The following UGCG variants were observed in gnomAD, a reference collection of about 807,000 sequenced individuals.
UGCG encodes UDP-glucose ceramide glucosyltransferase.
A neutral mutation model predicts 49.5 loss-of-function variants in UGCG; 10 were observed. That is an observed-to-expected ratio of 0.20 (90% CI 0.12 to 0.34). The LOEUF (loss-of-function observed/expected upper bound fraction) is 0.34. Among genes scored for constraint, UGCG ranks in the 10% least tolerant of loss-of-function variants. The pLI is 1.00. For synonymous variants in UGCG, 182 were observed against 158.2 expected, an observed-to-expected ratio of 1.15 and a Z score of -1.13; for missense variants, 312 against 483.7, an observed-to-expected ratio of 0.65 and a Z score of 3.33.
At chr9:111,901,077 A>C (rs1209933491) in intron 1 of UGCG, among the ~76,000 whole-genome samples, 1 of 152,096 alleles carries the variant, frequency 6.6e-6, no homozygotes, top group African/African-American at 2.4e-5. Context: ...TGGCCTCCTG[A>C]AGTTCTGGGA....
At chr9:111,898,986 T>G (rs12348354) in intron 1 of UGCG, among the ~76,000 whole-genome samples, 44,677 of 152,176 alleles carry the variant, frequency 0.29, 6,818 homozygotes, top group Admixed American at 0.39. Context: ...CCTGTTCACA[T>G]GGAACTGTCC....
At chr9:111,930,882 C>T (rs1044063273) in intron 6 of UGCG, among the ~76,000 whole-genome samples, 3 of 152,194 alleles carry the variant, frequency 2.0e-5, no homozygotes, top group Non-Finnish European at 4.4e-5. Flanking sequence ...TCATGTGGTT[C>T]ATGGTTTCCT....
chr9:111,899,915 T>C (rs1421596759), intron 1 of UGCG, among the ~76,000 whole-genome samples: 2 of 152,194 alleles, frequency 1.3e-5, no homozygotes, highest in Admixed American at 6.5e-5. Context: ...TTCTGCTTTA[T>C]ACTTGGGTAT....
intron 2 of UGCG, among the ~76,000 whole-genome samples, chr9:111,922,192 T>C (rs951137408): frequency 6.6e-6 from 1 of 152,264 alleles, no homozygotes; most frequent in East Asian, 1.9e-4. Context: ...AACATAGCAC[T>C]GGGCAAAATA....
chr9:111,913,526 G>A (rs1236531236), intron 1 of UGCG, among the ~76,000 whole-genome samples: 5 of 151,906 alleles, frequency 3.3e-5, no homozygotes, highest in Non-Finnish European at 5.9e-5. Flanking sequence ...CTCCACCCCC[G>A]GGTTCAAGTG....
chr9:111,898,516 T>A (rs896091195), intron 1 of UGCG, among the ~76,000 whole-genome samples: 3 of 152,184 alleles, frequency 2.0e-5, no homozygotes, highest in African/African-American at 7.2e-5. Context: ...CAGGTTATAC[T>A]GATATTTCTT....
chr9:111,926,977 A>T (rs1352605424), intron 5 of UGCG, among the ~76,000 whole-genome samples: 2 of 140,038 alleles, frequency 1.4e-5, no homozygotes, highest in African/African-American at 5.3e-5. Context: ...GGTTCAAACG[A>T]TTCTTCTGCC....
At chr9:111,914,409 T>A (rs1838073985) in intron 1 of UGCG, among the ~76,000 whole-genome samples, 196 bp from the exon 2 acceptor site, 1 of 152,238 alleles carries the variant, frequency 6.6e-6, no homozygotes, top group Non-Finnish European at 1.5e-5. Flanking sequence ...AGAAAGTTTA[T>A]GAATTTGTGT....
intron 1 of UGCG, among the ~76,000 whole-genome samples, chr9:111,913,498 A>G (rs371309955): frequency 2.6e-4 from 39 of 152,130 alleles, no homozygotes; most frequent in Middle Eastern, 3.4e-3. Flanking sequence ...CAGCGGCACA[A>G]TCTTGGCTCA....
intron 1 of UGCG, among the ~76,000 whole-genome samples, chr9:111,898,789 C>CTG (rs746614720): frequency 3.2e-4 from 48 of 151,670 alleles, no homozygotes; most frequent in South Asian, 8.3e-4. Context: ...TCCTTCCAAT[C>CTG]TGTGTGTGTG....
intron 2 of UGCG, among the ~76,000 whole-genome samples, chr9:111,922,043 G>T (rs1280342354): frequency 6.6e-6 from 1 of 151,214 alleles, no homozygotes; most frequent in South Asian, 2.1e-4. Flanking sequence ...GAGCACCTAG[G>T]CTCTAGCAGT....
rs1362006272 is a variant in UGCG at position 111,896,840 on chromosome 9, T to C, written c.-376T>C. The C allele has an allele frequency of 6.6e-6, 1 of 151,082 alleles. No homozygotes were observed. Among genetic ancestry groups the C allele is most frequent in the Non-Finnish European group, 1.5e-5 (1 of 68,212 alleles). The allele number at this position is 151,082 out of a possible 1,614,324, so 9.4% of individuals were successfully genotyped here. ...GTGCGCGGAGCTGCGGCGGTGGAGC[T>C]GCTCGGCCGGGAGCCCGGCGGCGAG... On this transcript the variant is annotated 5_prime_UTR_variant, in exon 1 of 9. Coordinates refer to ENST00000374279, the MANE Select transcript of UGCG (RefSeq NM_003358.3).
At chr9:111,897,456 C>A (rs1837684630) in intron 1 of UGCG, 143 bp downstream of exon 1, 3 of 655,560 alleles carry the variant, frequency 4.6e-6, no homozygotes, top group South Asian at 3.8e-5. Context: ...CCCCCCGTTC[C>A]CTCGCCCCTC....
In UGCG at chr9:111,914,614, C is replaced by T; in HGVS notation, c.108C>T (p.His36=). The change falls in exon 2 of 9, where the codon CAC becomes CAT. Residue 36 remains histidine, a synonymous_variant. Coordinates refer to ENST00000374279, the MANE Select transcript of UGCG (RefSeq NM_003358.3). ...ATCATTTGCTTTTTAGCCGATTACA[C>T]CTCAACAAGAAGGCAACTGACAAAC... ...HFMAIIYTRL[H]LNKKATDKQP... 2 of 1,613,776 alleles carry T rather than the reference C, an allele frequency of 1.2e-6. No homozygotes were observed. Among genetic ancestry groups the T allele is most frequent in the Non-Finnish European group, 1.7e-6 (2 of 1,179,848 alleles).
At chr9:111,902,833 A>G (rs1214600667) in intron 1 of UGCG, among the ~76,000 whole-genome samples, 1 of 150,680 alleles carries the variant, frequency 6.6e-6, no homozygotes, top group East Asian at 1.9e-4. Flanking sequence ...GCTGGATGGC[A>G]GTGGTGCGAT....
intron 2 of UGCG, among the ~76,000 whole-genome samples, chr9:111,918,443 C>G (rs772781452): frequency 6.6e-6 from 1 of 152,156 alleles, no homozygotes; most frequent in Non-Finnish European, 1.5e-5. Flanking sequence ...TGGTTAAAAT[C>G]TGATACTTTA....
At chr9:111,906,587 G>C (rs1228112447) in intron 1 of UGCG, among the ~76,000 whole-genome samples, 1 of 151,966 alleles carries the variant, frequency 6.6e-6, no homozygotes, top group African/African-American at 2.4e-5. Context: ...GCGCCACCAT[G>C]CCTGGCTAAT....
At position 111,924,610 on chromosome 9, in the gene UGCG, G is replaced by A. The variant is rs967030341; in HGVS notation, c.344-167G>A. ...ACAGTTTTCCTTTTGAGAATGGACA[G>A]TTTTTTCCTAAATATATTATTATGA... On this transcript the variant is annotated intron_variant, in intron 3 of 8. Transcript: ENST00000374279. 7.9e-5 allele frequency among the ~76,000 whole-genome samples: 12 copies of A among 151,812 alleles called. No homozygotes were observed. The East Asian group carries it at 2.1e-3, about 27-fold the overall frequency.
chr9:111,910,853 C>T (rs539903865), intron 1 of UGCG, among the ~76,000 whole-genome samples: 21 of 152,284 alleles, frequency 1.4e-4, no homozygotes, highest in Non-Finnish European at 1.3e-4. Context: ...TCAAGGGATT[C>T]TCATGCCTCA....
Sources: gnomAD v4.1 joint callset for allele counts (sites outside exome capture counted in the v4.1 genomes callset) on GRCh38, gnomAD v4.1.1 for gene constraint, MANE v1.5 for transcripts, NCBI Gene and HGNC (gene_info 2026-07-23, HGNC 2026-07-21) for gene names.